Variants in AKAP13 observed in about 807,000 individuals in gnomAD.
AKAP13 encodes the protein A-kinase anchor protein 13.
AKAP13 carries 80 observed loss-of-function variants against 264.5 expected under a neutral mutation model. The observed-to-expected ratio is 0.30, with a 90% CI of 0.25 to 0.36. The LOEUF (loss-of-function observed/expected upper bound fraction) is 0.36. AKAP13 is among the 10% of genes least tolerant of loss of function. The pLI is 1.00. For synonymous variants in AKAP13, 1,380 were observed against 1,250.2 expected (o/e 1.10, Z -2.19); for missense variants, 3,712 against 3,435.2 (o/e 1.08, Z -2.01).
chr15:85,675,369 T>C (rs1027239694), intron 14 of AKAP13, among the ~76,000 whole-genome samples: 5 of 152,230 alleles, frequency 3.3e-5, no homozygotes, highest in African/African-American at 1.2e-4. Context: ...CAGCAAATAG[T>C]GATGTCACTT....
intron 1 of AKAP13, among the ~76,000 whole-genome samples, chr15:85,390,195 T>C (rs1466036618): frequency 6.6e-6 from 1 of 152,214 alleles, no homozygotes; most frequent in African/African-American, 2.4e-5. Context: ...CTGCCGTTAA[T>C]CTATATCCTA....
chr15:85,397,383 C>G (rs2071169619), intron 1 of AKAP13, among the ~76,000 whole-genome samples: 1 of 152,162 alleles, frequency 6.6e-6, no homozygotes, highest in Non-Finnish European at 1.5e-5. Flanking sequence ...TATTAGTTAG[C>G]TCACTGGGAT....
intron 1 of AKAP13, among the ~76,000 whole-genome samples, chr15:85,423,630 A>G (rs2072631980): frequency 6.6e-6 from 1 of 152,206 alleles, no homozygotes; most frequent in Admixed American, 6.5e-5. Flanking sequence ...GGCTGGAATC[A>G]GCTTCTTCCA....
At chr15:85,619,060 T>C (rs2081059903) in intron 8 of AKAP13, among the ~76,000 whole-genome samples, 1 of 152,134 alleles carries the variant, frequency 6.6e-6, no homozygotes, top group African/African-American at 2.4e-5. Flanking sequence ...GTGTTTAGTA[T>C]AACACCCCCC....
At chr15:85,591,092 C>A (rs1402457779) in intron 8 of AKAP13, among the ~76,000 whole-genome samples, 1 of 152,132 alleles carries the variant, frequency 6.6e-6, no homozygotes, top group Non-Finnish European at 1.5e-5. Flanking sequence ...TTTGAAAGAA[C>A]CTTAAAGATT....
chr15:85,402,784 A>G (rs751721291), intron 1 of AKAP13, among the ~76,000 whole-genome samples: 4 of 152,140 alleles, frequency 2.6e-5, no homozygotes, highest in Non-Finnish European at 5.9e-5. Context: ...GAGGCTTACT[A>G]AGATTGTGTA....
rs752185821 is a variant in AKAP13 at position 85,719,357 on chromosome 15, A to G, written c.6252+31A>G. The stretch of plus-strand genomic sequence containing the variant: ...AATGGGAAGGATCTCAGGTTCTTAC[A>G]TACACTGGGAAAAAGGGAAGTCATG... On this transcript the variant is annotated intron_variant, in intron 23 of 36. Coordinates refer to ENST00000394518, the MANE Select transcript of AKAP13 (RefSeq NM_007200.5). 3.1e-6 allele frequency: 5 copies of G among 1,609,112 alleles called. No individual in the cohort carries two copies. The African/African-American group carries it at 5.4e-5, about 17-fold the overall frequency.
rs554082486 is a variant in AKAP13, at chr15:85,441,195, ATTTTTAATCTTT to A, written c.-11-44506_-11-44495del. Among the ~76,000 whole-genome samples the A allele has an allele frequency of 3.9e-3, 592 of 152,142 alleles. 3 individuals are homozygous for A. The highest frequency in any genetic ancestry group is 0.013 in the African/African-American group (554 of 41,534). ...TCCACACATTTTGCCAATACTTGGT[ATTTTTAATCTTT>A]TTTTTAATGGCCGTTCTGGTGGGTG... is the stretch of plus-strand genomic sequence containing the variant. On this transcript the variant is annotated intron_variant, in intron 1 of 36. Transcript: ENST00000394518.
rs1246862612 is a variant in AKAP13 at position 85,664,698 on chromosome 15, A to C, written c.4935A>C (p.Ser1645=). Residue 1645 remains serine (S), a synonymous_variant, in exon 13 of 37, where the codon TCA becomes TCC. Transcript: ENST00000394518. The part of the protein sequence containing the change: ...SGEERVDSLV[S]LSEEDLESDQ... ...AGGAACGGGTTGACTCTTTGGTGTC[A>C]CTTTCAGAAGAGGATCTGGAGTCAG... 1 of 1,614,030 alleles carries C rather than the reference A, an allele frequency of 6.2e-7. No individual in the cohort carries two copies. Among genetic ancestry groups the C allele is most frequent in the African/African-American group, 1.3e-5 (1 of 74,922 alleles).
intron 19 of AKAP13, among the ~76,000 whole-genome samples, chr15:85,713,337 C>G (rs1196110196): frequency 6.6e-6 from 1 of 152,160 alleles, no homozygotes; most frequent in Non-Finnish European, 1.5e-5. Context: ...TACATTAATA[C>G]TACATAATTA....
At chr15:85,542,382 G>A (rs2077604080) in intron 4 of AKAP13, among the ~76,000 whole-genome samples, 1 of 152,156 alleles carries the variant, frequency 6.6e-6, no homozygotes, top group African/African-American at 2.4e-5. Context: ...CTTGGAAATA[G>A]GGATACCAGA....
At position 85,735,158 on chromosome 15, in the gene AKAP13, A is replaced by G. The variant is rs753044532; in HGVS notation, c.7441+8A>G. On this transcript the variant is annotated splice_region_variant and intron_variant, in intron 31 of 36. Transcript: ENST00000394518. ...AGATGAATGCTTCAAAAGGTAAATG[A>G]TGTGAAGTCATGAGCTTTTATAGGC... 1 of 1,612,016 alleles carries G rather than the reference A, an allele frequency of 6.2e-7. No individual in the cohort carries two copies. The highest frequency in any genetic ancestry group is 8.5e-7 in the Non-Finnish European group (1 of 1,179,192).
intron 9 of AKAP13, among the ~76,000 whole-genome samples, chr15:85,641,781 C>T (rs1001963974): frequency 9.9e-5 from 15 of 152,028 alleles, no homozygotes; most frequent in Non-Finnish European, 1.6e-4. Flanking sequence ...CATGAGCCAC[C>T]GTGCCTGGCC....
At chr15:85,450,222 T>C (rs2074034626) in intron 1 of AKAP13, among the ~76,000 whole-genome samples, 1 of 152,146 alleles carries the variant, frequency 6.6e-6, no homozygotes, top group African/African-American at 2.4e-5. Context: ...TTTGTAGTAG[T>C]TTCTCATGAT....
intron 1 of AKAP13, among the ~76,000 whole-genome samples, chr15:85,396,021 TAC>T (rs57665297): frequency 0.47 from 70,519 of 150,396 alleles, 16,848 homozygotes; most frequent in Admixed American, 0.56. Flanking sequence ...TATACATACA[TAC>T]ACACACACAC....
At chr15:85,654,009 G>A (rs338536) in intron 10 of AKAP13, among the ~76,000 whole-genome samples, 43,598 of 152,092 alleles carry the variant, frequency 0.29, 6,554 homozygotes, top group East Asian at 0.36. Context: ...GAGCCACTGC[G>A]CCCAGCCACT....
intron 5 of AKAP13, among the ~76,000 whole-genome samples, chr15:85,570,282 C>G (rs1263728953): frequency 6.6e-6 from 1 of 151,816 alleles, no homozygotes; most frequent in Non-Finnish European, 1.5e-5. Context: ...AAAACCCCAT[C>G]TCTACTAAAA....
chr15:85,588,785 G>A (rs1355202347), intron 8 of AKAP13, among the ~76,000 whole-genome samples: 1 of 152,192 alleles, frequency 6.6e-6, no homozygotes, highest in Non-Finnish European at 1.5e-5. Context: ...GCCAAAGGCA[G>A]CTGGAAGAGT....
chr15:85,708,019 A>C lies in AKAP13; in HGVS notation c.5465A>C (p.Asn1822Thr), dbSNP rs1156392025. ...GACCTTGGGTTTGCTTTCTTTTCAG[A>C]TTGCAGTGCTTTTGTCCACAAAGGC... ...FTNKDAYTCA[N>T]CSAFVHKGCR... Residue 1822 changes from asparagine (N) to threonine (T), a missense_variant and splice_region_variant, in exon 18 of 37, where the codon AAT (asparagine) becomes ACT (threonine). Asn to Thr is a moderately conservative substitution (Grantham distance 65). Around this residue, in one of 3 missense-constraint regions of AKAP13, gnomAD observed 2,759 missense variants for 2,411.7 expected, o/e 1.14. Transcript: ENST00000394518. The surrounding 1 kb of genome is among the most constrained non-coding windows in gnomAD (Gnocchi z 4.3). 6.2e-7 allele frequency: 1 copy of C among 1,613,778 alleles called. No individual in the cohort carries two copies. Among genetic ancestry groups the C allele is most frequent in the Non-Finnish European group, 8.5e-7 (1 of 1,179,752 alleles).
Sources: allele counts gnomAD v4.1 joint callset (sites outside exome capture counted in the v4.1 genomes callset), GRCh38; gene constraint gnomAD v4.1.1; regional missense constraint gnomAD v4.1.1; non-coding constraint Gnocchi (gnomAD v3.1); transcripts MANE v1.5; gene names NCBI Gene and HGNC (gene_info 2026-07-23, HGNC 2026-07-21).